Variants in LMO7 observed in about 807,000 individuals in gnomAD.
LMO7 encodes the protein LIM domain 7.
A neutral mutation model predicts 206.5 loss-of-function variants in LMO7; 120 were observed. The ratio of observed to expected loss-of-function variants is 0.58; its 90% confidence interval spans 0.50 to 0.68. The LOEUF (loss-of-function observed/expected upper bound fraction) is 0.68, where lower values mean the gene tolerates loss of function less well. LMO7 is among the 30% of genes least tolerant of loss of function. The pLI, the probability that LMO7 is intolerant of heterozygous loss-of-function variation, is 0.00. For synonymous variants in LMO7, 706 were observed against 681.5 expected, an observed-to-expected ratio of 1.04 and a Z score of -0.56; for missense variants, 1,959 against 1,957.9, an observed-to-expected ratio of 1.00 and a Z score of -0.01.
At chr13:75,626,803 C>G (rs2034246369) in intron 2 of LMO7, 1 of 151,490 alleles carries the variant, frequency 6.6e-6, no homozygotes, top group South Asian at 2.1e-4. Flanking sequence ...CCAGGCTGGT[C>G]TCGGACTCCC....
intron 4 of LMO7, among the ~76,000 whole-genome samples, chr13:75,763,675 T>C (rs1954515787): frequency 6.6e-6 from 1 of 152,162 alleles, no homozygotes; most frequent in African/African-American, 2.4e-5. Flanking sequence ...GTTGTTGGCC[T>C]TGCTGCAAAC....
At chr13:75,798,874 T>C (rs1032924867) in intron 6 of LMO7, among the ~76,000 whole-genome samples, 5 of 152,250 alleles carry the variant, frequency 3.3e-5, no homozygotes, top group Non-Finnish European at 7.3e-5. Flanking sequence ...CTGTCATCAA[T>C]AACTTTAACA....
At chr13:75,730,589 T>G (rs556108339) in intron 3 of LMO7, among the ~76,000 whole-genome samples, 1 of 150,178 alleles carries the variant, frequency 6.7e-6, no homozygotes, top group East Asian at 2.0e-4. Flanking sequence ...GCTCCTGGAT[T>G]CATTAATTTT....
At chr13:75,852,619 C>T (rs531244164) in intron 27 of LMO7, among the ~76,000 whole-genome samples, 2 of 152,246 alleles carry the variant, frequency 1.3e-5, no homozygotes, top group Admixed American at 6.5e-5. Context: ...TTCAGTGGTT[C>T]GACTTAAGAT....
intron 4 of LMO7, among the ~76,000 whole-genome samples, chr13:75,778,544 T>G (rs1272688246): frequency 6.6e-6 from 1 of 152,250 alleles, no homozygotes; most frequent in African/African-American, 2.4e-5. Flanking sequence ...TCGAGTGCCT[T>G]TTAACAATGC....
In LMO7 at chr13:75,840,554, G is replaced by A. The variant is rs2059484555; in HGVS notation, c.3582+59G>A. On this transcript the variant is annotated intron_variant, in intron 22 of 30. Transcript: ENST00000377534. ...GGTTGGATTTCACGGCTTTTCTCCA[G>A]TCTGTCAACCAGTATTGAGAAACTA... The A allele has an allele frequency of 2.5e-6, 4 of 1,583,592 alleles. No individual in the cohort carries two copies. The Admixed American group carries it at 7.2e-5, about 29-fold the overall frequency.
At chr13:75,710,204 T>G (rs1011146125) in intron 1 of LMO7, among the ~76,000 whole-genome samples, 4 of 152,216 alleles carry the variant, frequency 2.6e-5, no homozygotes, top group Admixed American at 2.6e-4. Flanking sequence ...TACTATAGCC[T>G]TGTAGTATAG....
At chr13:75,802,686 T>C (rs540229127) in intron 7 of LMO7, among the ~76,000 whole-genome samples, 1 of 152,206 alleles carries the variant, frequency 6.6e-6, no homozygotes, top group East Asian at 1.9e-4. Context: ...CTGCAGACCT[T>C]GTTTAAAGAG....
intron 1 of LMO7, among the ~76,000 whole-genome samples, chr13:75,655,635 TTTTATATATATATATATATATATA>T (rs1272799516): frequency 4.0e-5 from 5 of 126,024 alleles, no homozygotes; most frequent in South Asian, 2.5e-4. Context: ...TGTTCATGGA[TTTTATATATATATATATATATATA>T]TATATATATA....
At chr13:75,810,733 A>G (rs913139115) in intron 11 of LMO7, among the ~76,000 whole-genome samples, 1 of 152,234 alleles carries the variant, frequency 6.6e-6, no homozygotes, top group Non-Finnish European at 1.5e-5. Context: ...AAGGAAATAA[A>G]AGTACCCAGA....
intron 1 of LMO7, among the ~76,000 whole-genome samples, chr13:75,711,860 G>T (rs959580370): frequency 6.6e-6 from 1 of 152,156 alleles, no homozygotes; most frequent in African/African-American, 2.4e-5. Context: ...TTCAGGTAAT[G>T]CCTGTAACAG....
At chr13:75,684,325 C>A (rs1022206424) in intron 1 of LMO7, among the ~76,000 whole-genome samples, 3 of 152,182 alleles carry the variant, frequency 2.0e-5, no homozygotes, top group African/African-American at 7.2e-5. Flanking sequence ...TCACTGCAAC[C>A]TCCGCCTCCC....
At chr13:75,845,705 T>A (rs935710265) in intron 26 of LMO7, among the ~76,000 whole-genome samples, 2 of 152,214 alleles carry the variant, frequency 1.3e-5, no homozygotes, top group African/African-American at 4.8e-5. Context: ...AAAAGATGTC[T>A]ACGAAATACT....
rs183296675 is a variant in LMO7, at chr13:75,630,791, A to C, written c.225+7471A>C. 1.3e-3 allele frequency among the ~76,000 whole-genome samples: 197 copies of C among 151,812 alleles called. 1 individual carries two copies. The highest frequency in any genetic ancestry group is 1.7e-3 in the Admixed American group (25 of 15,102). On this transcript the variant is annotated intron_variant, in intron 2 of 29. Coordinates refer to the LMO7 transcript ENST00000341547. ...AATACAAACCCAGATAAGGTGCTTT[A>C]TACACTGCCTGTTTTCTTTTTTCTT...
At chr13:75,712,430 C>T (rs1410445803) in intron 1 of LMO7, among the ~76,000 whole-genome samples, 1 of 152,098 alleles carries the variant, frequency 6.6e-6, no homozygotes, top group African/African-American at 2.4e-5. Flanking sequence ...TACTATTTCC[C>T]CTGTGGAATC....
chr13:75,750,053 T>C (rs2047148893), intron 3 of LMO7, among the ~76,000 whole-genome samples: 2 of 151,532 alleles, frequency 1.3e-5, no homozygotes, highest in Non-Finnish European at 2.9e-5. Flanking sequence ...TCCAAAATAA[T>C]AGATTAAAAA....
intron 7 of LMO7, 44 bp downstream of exon 7, chr13:75,800,926 G>C: frequency 6.4e-7 from 1 of 1,560,900 alleles, no homozygotes; most frequent in Non-Finnish European, 8.8e-7. Context: ...CACATATTAA[G>C]GGAGAACTGG....
intron 2 of LMO7, 103 bp from the exon 3 acceptor site, chr13:75,726,926 A>T (rs2044528773): frequency 4.2e-6 from 3 of 710,442 alleles, no homozygotes. Flanking sequence ...TCTGTATAAC[A>T]CATTGAGGGG....
intron 24 of LMO7, among the ~76,000 whole-genome samples, chr13:75,842,490 T>G (rs548847275): frequency 2.0e-5 from 3 of 152,176 alleles, no homozygotes; most frequent in Non-Finnish European, 4.4e-5. Flanking sequence ...CTGTATACTC[T>G]TATTTTATAT....
Sources: allele counts gnomAD v4.1 joint callset (sites outside exome capture counted in the v4.1 genomes callset), GRCh38; gene constraint gnomAD v4.1.1; transcripts MANE v1.5; gene names NCBI Gene and HGNC (gene_info 2026-07-23, HGNC 2026-07-21).